ZRANB1: variants seen among roughly 807,000 people sequenced by gnomAD.
The protein encoded by ZRANB1 is zinc finger RANBP2-type containing 1.
ZRANB1 carries 16 observed loss-of-function variants against 80.5 expected under a neutral mutation model. That is an observed-to-expected ratio of 0.20 (90% CI 0.13 to 0.30). The LOEUF (loss-of-function observed/expected upper bound fraction) is 0.30, where lower values mean the gene tolerates loss of function less well. Among genes scored for constraint, ZRANB1 ranks in the 10% least tolerant of loss-of-function variants. The probability of loss-of-function intolerance (pLI) is 1.00; values close to 1 mark genes in which losing one functional copy is unlikely to be tolerated. For missense variants in ZRANB1, 576 were observed against 862.6 expected, an observed-to-expected ratio of 0.67 and a Z score of 4.16; for synonymous variants, 291 against 293.1, an observed-to-expected ratio of 0.99 and a Z score of 0.07.
At position 124,985,099 on chromosome 10, in the gene ZRANB1, C is replaced by A; in HGVS notation, c.*107C>A. On this transcript the variant is annotated 3_prime_UTR_variant, in exon 9 of 9. Transcript: ENST00000359653. The stretch of plus-strand genomic sequence containing the variant: ...ACATCATGGAATGAACCAAATCTGG[C>A]AGGATCTGCTCGGGGAAGTGTTTTC... 1 of 859,158 alleles carries A rather than the reference C, an allele frequency of 1.2e-6. No individual in the cohort carries two copies. The highest frequency in any genetic ancestry group is 1.6e-5 in the South Asian group (1 of 60,816). The allele number at this position is 859,158 out of a possible 1,614,324, so 53.2% of individuals were successfully genotyped here.
intron 5 of ZRANB1, among the ~76,000 whole-genome samples, chr10:124,978,607 T>A (rs577624065): frequency 1.3e-5 from 2 of 151,976 alleles, no homozygotes; most frequent in African/African-American, 4.8e-5. Context: ...AAAAAATCAA[T>A]ATAAGTCTTT....
intron 5 of ZRANB1, 114 bp downstream of exon 5, chr10:124,974,512 A>G: frequency 2.7e-6 from 3 of 1,104,848 alleles, no homozygotes; most frequent in Non-Finnish European, 3.9e-6. Flanking sequence ...CTGGAGGAAA[A>G]ACAGTTCATT....
intron 1 of ZRANB1, among the ~76,000 whole-genome samples, chr10:124,956,695 C>T (rs1951690180): frequency 6.6e-6 from 1 of 152,192 alleles, no homozygotes; most frequent in South Asian, 2.1e-4. Context: ...TGGTCTCGAA[C>T]TCCTGACCTC....
intron 1 of ZRANB1, among the ~76,000 whole-genome samples, chr10:124,963,554 G>GTT (rs760813299): frequency 0.043 from 2,467 of 57,178 alleles, 51 homozygotes; most frequent in Non-Finnish European, 0.065. Context: ...TTTTTTGTTT[G>GTT]TTTTTTTTTT....
At chr10:124,926,877 A>G in the ZRANB1 span, among the ~76,000 whole-genome samples, 1 of 152,330 alleles carries the variant, frequency 6.6e-6, no homozygotes, top group African/African-American at 2.4e-5. Flanking sequence ...CAGCTTTGTT[A>G]TATAATCTTA....
intron 1 of ZRANB1, among the ~76,000 whole-genome samples, chr10:124,950,005 G>A (rs1195449335): frequency 6.6e-6 from 1 of 152,184 alleles, no homozygotes; most frequent in African/African-American, 2.4e-5. Flanking sequence ...GCAGGATGAA[G>A]TGGCATCATG....
At chr10:124,952,379 A>G (rs1951646882) in intron 1 of ZRANB1, among the ~76,000 whole-genome samples, 1 of 152,146 alleles carries the variant, frequency 6.6e-6, no homozygotes, top group Non-Finnish European at 1.5e-5. Flanking sequence ...CAGGGCCCTG[A>G]GGCAAGGAAT....
the ZRANB1 span, among the ~76,000 whole-genome samples, chr10:124,929,167 T>C: frequency 2.0e-5 from 3 of 152,180 alleles, no homozygotes; most frequent in East Asian, 5.8e-4. Context: ...GTTTAGGAGG[T>C]AGTATCAGTG....
the ZRANB1 span, among the ~76,000 whole-genome samples, chr10:124,918,911 T>A: frequency 6.6e-6 from 1 of 152,208 alleles, no homozygotes; most frequent in Non-Finnish European, 1.5e-5. Flanking sequence ...TTGAGGAGGA[T>A]GTTATCTGAG....
At chr10:124,961,526 T>C (rs1564961315) in intron 1 of ZRANB1, among the ~76,000 whole-genome samples, 2 of 152,238 alleles carry the variant, frequency 1.3e-5, no homozygotes, top group South Asian at 4.1e-4. Flanking sequence ...CAGGATCTTC[T>C]TTCTTACGAA....
In ZRANB1 at chr10:124,966,575, A is replaced by T. The variant is rs536444088; in HGVS notation, c.815-19A>T. ...GAAAATGAGAATTAAATGCTTTTCT[A>T]TCTTGATGCTTGTTTTAGGGGTTGT... On this transcript the variant is annotated intron_variant, in intron 1 of 8. Transcript: ENST00000359653. 6.2e-7 allele frequency: 1 copy of T among 1,606,248 alleles called. No homozygotes were observed. Among genetic ancestry groups the T allele is most frequent in the East Asian group, 2.2e-5 (1 of 44,682 alleles).
In ZRANB1 at chr10:124,986,483, TTTCCCCCCGA is replaced by T. The variant is rs1952046921; in HGVS notation, c.*1492_*1501del. ...CACAAAACTGTCATGTCTTTAGTTC[TTTCCCCCCGA>T]AAACTCAGTAAAAAGGTGTTCCCAG... On this transcript the variant is annotated 3_prime_UTR_variant, in exon 9 of 9. Coordinates refer to ENST00000359653, the MANE Select transcript of ZRANB1 (RefSeq NM_017580.3). 1.3e-5 allele frequency: 2 copies of T among 152,184 alleles called. No homozygotes were observed. The highest frequency in any genetic ancestry group is 1.3e-4 in the Admixed American group (2 of 15,278). 9.4% of individuals were successfully genotyped at this position (152,184 alleles called of 1,614,324 possible).
intron 1 of ZRANB1, among the ~76,000 whole-genome samples, chr10:124,944,099 TAGG>T (rs1470517791): frequency 3.3e-5 from 5 of 152,214 alleles, no homozygotes; most frequent in Admixed American, 2.0e-4. Context: ...GACAGAGACA[TAGG>T]AGAGCAGAGT....
intron 1 of ZRANB1, among the ~76,000 whole-genome samples, chr10:124,949,951 T>C (rs2134253215): frequency 6.6e-6 from 1 of 152,272 alleles, no homozygotes; most frequent in African/African-American, 2.4e-5. Flanking sequence ...CTGTTGAAAA[T>C]CAATGACTTA....
chr10:124,942,170 A>G lies in ZRANB1; in HGVS notation c.-324A>G, dbSNP rs1364246304. 2 of 1,105,844 alleles carry G rather than the reference A, an allele frequency of 1.8e-6. No homozygotes were observed. The highest frequency in any genetic ancestry group is 1.2e-4 in the East Asian group (2 of 16,380). The allele number at this position is 1,105,844 out of a possible 1,614,324, so 68.5% of individuals were successfully genotyped here. On this transcript the variant is annotated 5_prime_UTR_variant, in exon 1 of 9. Transcript: ENST00000359653. ...ACATTTCTATTAGTGGCTTCCCGTT[A>G]ATCTCATCCTTCTTAGATCAAACCT...
chr10:124,976,586 T>C (rs1951877914), intron 5 of ZRANB1, among the ~76,000 whole-genome samples: 1 of 86,882 alleles, frequency 1.2e-5, no homozygotes, highest in Admixed American at 1.1e-4. Flanking sequence ...TTTTTTTTTT[T>C]TTTGAGGCAG....
chr10:124,969,237 C>T (rs1951800872), intron 2 of ZRANB1, among the ~76,000 whole-genome samples: 1 of 152,238 alleles, frequency 6.6e-6, no homozygotes, highest in Non-Finnish European at 1.5e-5. Flanking sequence ...TAGGAAGCAA[C>T]ATACCATTAC....
In ZRANB1 at chr10:124,983,605, G is replaced by A. The variant is rs139498100; in HGVS notation, c.1825G>A (p.Asp609Asn). ...AGGTGCTGGTGCTAATCTCAATACC[G>A]ATGATGATGTCACCATCACATTTTT... ...NRGAGANLNT[D>N]DDVTITFLPL... The change falls in exon 8 of 9, where the codon GAT (aspartate) becomes AAT (asparagine). Residue 609 changes from aspartate to asparagine, a missense_variant. This residue lies in a region of ZRANB1 where 152 missense variants were observed against 221.9 expected (regional missense o/e 0.69). Coordinates refer to ENST00000359653, the MANE Select transcript of ZRANB1 (RefSeq NM_017580.3). The surrounding 1 kb of genome is among the most constrained non-coding windows in gnomAD (Gnocchi z 6.2). 1.2e-5 allele frequency: 19 copies of A among 1,613,818 alleles called. No individual in the cohort carries two copies. The African/African-American group carries it at 1.6e-4, about 14-fold the overall frequency.
intron 1 of ZRANB1, among the ~76,000 whole-genome samples, chr10:124,954,072 T>C (rs1288323565): frequency 6.6e-6 from 1 of 151,310 alleles, no homozygotes; most frequent in Non-Finnish European, 1.5e-5. Context: ...GCTCAAGTGA[T>C]TCTCCCACTT....
Sources: allele counts gnomAD v4.1 joint callset (sites outside exome capture counted in the v4.1 genomes callset), GRCh38; gene constraint gnomAD v4.1.1; regional missense constraint gnomAD v4.1.1; non-coding constraint Gnocchi (gnomAD v3.1); transcripts MANE v1.5; gene names NCBI Gene and HGNC (gene_info 2026-07-23, HGNC 2026-07-21).